ERC2: variants seen among roughly 807,000 people sequenced by gnomAD.
ERC2 encodes the protein ELKS/RAB6-interacting/CAST family member 2, also known as ERC protein 2.
In ERC2, 42 loss-of-function variants were observed where a neutral mutation model predicts 114.8. That is an observed-to-expected ratio of 0.37 (90% CI 0.29 to 0.47). ERC2 has a LOEUF of 0.47. Among genes scored for constraint, ERC2 ranks in the 20% least tolerant of loss-of-function variants. The pLI is 0.99. For missense variants in ERC2, 939 were observed against 1,150.7 expected (o/e 0.82, Z 2.66); for synonymous variants, 454 against 425.5 (o/e 1.07, Z -0.82).
chr3:56,032,881 AAGAAAGAGAGAGAGAGAGAC>A (rs2074457345), intron 7 of ERC2, among the ~76,000 whole-genome samples: 2 of 118,676 alleles, frequency 1.7e-5, no homozygotes, highest in Non-Finnish European at 3.7e-5. Flanking sequence ...GAAAGAAAGA[AAGAAAGAGAGAGAGAGAGAC>A]AGAAAGAAAG....
chr3:56,148,200 AG>A (rs2081243655), intron 5 of ERC2, among the ~76,000 whole-genome samples: 1 of 152,230 alleles, frequency 6.6e-6, no homozygotes, highest in South Asian at 2.1e-4. Flanking sequence ...ACTGAGGCTT[AG>A]GGAAGTTGAA....
At chr3:56,191,719 G>A (rs1396293883) in intron 3 of ERC2, among the ~76,000 whole-genome samples, 1 of 151,994 alleles carries the variant, frequency 6.6e-6, no homozygotes, top group Non-Finnish European at 1.5e-5. Flanking sequence ...CTACCCTGAT[G>A]TTCCCCTGAC....
intron 7 of ERC2, among the ~76,000 whole-genome samples, chr3:56,053,466 G>C (rs764224141): frequency 7.9e-5 from 12 of 152,116 alleles, no homozygotes; most frequent in Non-Finnish European, 1.5e-4. Context: ...GGTGGCACCC[G>C]AGTTACACAC....
intron 3 of ERC2, among the ~76,000 whole-genome samples, chr3:56,207,780 G>C (rs2048829159): frequency 1.3e-5 from 2 of 152,088 alleles, no homozygotes; most frequent in Admixed American, 1.3e-4. Flanking sequence ...TATCTTCAAG[G>C]TCTAGGAGAG....
At chr3:55,633,180 G>C (rs906547118) in intron 17 of ERC2, among the ~76,000 whole-genome samples, 2 of 152,184 alleles carry the variant, frequency 1.3e-5, no homozygotes, top group Non-Finnish European at 2.9e-5. Flanking sequence ...CTGAAAAGAT[G>C]CAAGAAAGCA....
intron 13 of ERC2, among the ~76,000 whole-genome samples, chr3:55,888,882 A>G (rs1054507038): frequency 7.4e-4 from 113 of 152,218 alleles, no homozygotes; most frequent in African/African-American, 2.7e-3. Flanking sequence ...ATGTAACCAA[A>G]TATCACCTGT....
intron 14 of ERC2, among the ~76,000 whole-genome samples, chr3:55,817,703 AAGTTATCTGAGTCTC>A (rs1296246804): frequency 6.6e-6 from 1 of 152,190 alleles, no homozygotes; most frequent in African/African-American, 2.4e-5. Context: ...CAAAGCAGTT[AAGTTATCTGAGTCTC>A]AGTTTCTTCA....
At chr3:56,362,587 G>T (rs528634343) in intron 2 of ERC2, among the ~76,000 whole-genome samples, 1 of 152,216 alleles carries the variant, frequency 6.6e-6, no homozygotes, top group East Asian at 1.9e-4. Flanking sequence ...GTGGTGGATG[G>T]ATGGCCCCTT....
chr3:55,776,516 G>A (rs1440425647), intron 14 of ERC2, among the ~76,000 whole-genome samples: 2 of 152,150 alleles, frequency 1.3e-5, no homozygotes, highest in Non-Finnish European at 1.5e-5. Context: ...GAACATTCTT[G>A]GGAACTCGAG....
intron 3 of ERC2, among the ~76,000 whole-genome samples, chr3:56,290,854 G>C (rs2150345826): frequency 6.6e-6 from 1 of 152,248 alleles, no homozygotes; most frequent in East Asian, 1.9e-4. Flanking sequence ...CAGCACAGAG[G>C]GAGGCCCAGG....
chr3:55,976,511 A>G (rs1318778614), intron 12 of ERC2, among the ~76,000 whole-genome samples: 5 of 152,196 alleles, frequency 3.3e-5, no homozygotes, highest in Admixed American at 3.3e-4. Context: ...TCATTCTGTA[A>G]ATGTTTATTA....
chr3:55,843,119 C>G (rs1271128197), intron 14 of ERC2, among the ~76,000 whole-genome samples: 2 of 152,164 alleles, frequency 1.3e-5, no homozygotes, highest in Non-Finnish European at 2.9e-5. Context: ...AGCCATGTGA[C>G]TAAGTTTGGG....
At chr3:56,111,654 C>T (rs1047279944) in intron 6 of ERC2, among the ~76,000 whole-genome samples, 1 of 152,074 alleles carries the variant, frequency 6.6e-6, no homozygotes, top group Non-Finnish European at 1.5e-5. Flanking sequence ...AGGGAGAAAA[C>T]GAAGATGATG....
At chr3:55,669,954 T>C (rs2061495874) in intron 17 of ERC2, among the ~76,000 whole-genome samples, 1 of 152,228 alleles carries the variant, frequency 6.6e-6, no homozygotes, top group African/African-American at 2.4e-5. Context: ...GTGGCAAGCC[T>C]GTGAGAGGTG....
At chr3:55,753,163 A>G (rs2066823816) in intron 14 of ERC2, among the ~76,000 whole-genome samples, 1 of 152,122 alleles carries the variant, frequency 6.6e-6, no homozygotes. Flanking sequence ...TTGCTCCTGG[A>G]TGGGCTGTGA....
At chr3:56,363,206 T>C (rs557460757) in intron 2 of ERC2, among the ~76,000 whole-genome samples, 1 of 152,294 alleles carries the variant, frequency 6.6e-6, no homozygotes, top group Admixed American at 6.5e-5. Flanking sequence ...AGCTTAGGAA[T>C]AAACTCCTGA....
intron 14 of ERC2, among the ~76,000 whole-genome samples, chr3:55,830,671 C>G (rs1003259226): frequency 1.3e-5 from 2 of 152,120 alleles, no homozygotes; most frequent in Non-Finnish European, 2.9e-5. Flanking sequence ...AGGCTGGGTA[C>G]AGTGACTCAC....
chr3:56,221,215 C>T (rs2150149753), intron 3 of ERC2, among the ~76,000 whole-genome samples: 1 of 151,928 alleles, frequency 6.6e-6, no homozygotes, highest in South Asian at 2.1e-4. Flanking sequence ...TTCTCTTTTT[C>T]TCTCTGCTTT....
In ERC2 at chr3:55,712,846, A is replaced by G. The variant is rs1378337775; in HGVS notation, c.2713-13334T>C. Reference sequence around the variant, plus strand: ...TTGTTCTCTCAACTAGTCACTCCCCACTTCTCCTAGTCCTCTCTCTGTACC... The same window carrying G: ...TTGTTCTCTCAACTAGTCACTCCCCGCTTCTCCTAGTCCTCTCTCTGTACC... On this transcript the variant is annotated intron_variant, in intron 15 of 17. Transcript: ENST00000288221. 2.6e-5 allele frequency among the ~76,000 whole-genome samples: 4 copies of G among 151,984 alleles called. No individual in the cohort carries two copies. The East Asian group carries it at 7.8e-4, about 29-fold the overall frequency.
Sources: allele counts gnomAD v4.1 joint callset (sites outside exome capture counted in the v4.1 genomes callset), GRCh38; gene constraint gnomAD v4.1.1; transcripts MANE v1.5; gene names NCBI Gene and HGNC (gene_info 2026-07-23, HGNC 2026-07-21).